The following ENPP3 variants were observed in gnomAD, a reference collection of about 807,000 sequenced individuals.
ENPP3 encodes ectonucleotide pyrophosphatase/phosphodiesterase family member 3.
ENPP3 carries 104 observed loss-of-function variants against 117.8 expected under a neutral mutation model. The observed-to-expected ratio is 0.88, with a 90% CI of 0.75 to 1.04. The LOEUF is 1.04. Ranked by LOEUF, ENPP3 falls within the 50% of genes least tolerant of loss-of-function variation. The pLI is 0.00. For missense variants in ENPP3, 1,026 were observed against 1,051.9 expected (o/e 0.98, Z 0.34); for synonymous variants, 380 against 349.9 (o/e 1.09, Z -0.96).
intron 14 of ENPP3, among the ~76,000 whole-genome samples, chr6:131,693,169 T>C (rs1358518853): frequency 6.7e-6 from 1 of 149,742 alleles, no homozygotes; most frequent in East Asian, 1.9e-4. Flanking sequence ...CATTAACTCA[T>C]AATTTAAATC....
In ENPP3 at chr6:131,747,023, T is replaced by C. The variant is rs1780651949; in HGVS notation, c.*67T>C. 1 of 800,890 alleles carries C rather than the reference T, an allele frequency of 1.2e-6. No homozygotes were observed. Among genetic ancestry groups the C allele is most frequent in the Non-Finnish European group, 1.8e-6 (1 of 549,640 alleles). 49.6% of individuals were successfully genotyped at this position (800,890 alleles called of 1,614,324 possible). A position where few individuals can be genotyped will look rare whatever the true frequency, so the allele number is the denominator to read the frequency against. On this transcript the variant is annotated 3_prime_UTR_variant, in exon 25 of 25. Coordinates refer to ENST00000357639, the MANE Select transcript of ENPP3 (RefSeq NM_005021.5). ...AATTTTGGCAAAATATAAGTGATTT[T>C]TTTCTGGAGAATTGTAAAATAAAGT...
intron 6 of ENPP3, among the ~76,000 whole-genome samples, chr6:131,661,427 G>A (rs551167953): frequency 2.4e-4 from 36 of 151,472 alleles, no homozygotes; most frequent in African/African-American, 8.0e-4. Flanking sequence ...CAGATGTGAC[G>A]TGCTATCTCA....
Position 131,675,139 on chromosome 6 carries a change from A to G in ENPP3, c.822A>G (p.Ser274=). The part of the protein sequence containing the change: ...LKAATYFWPG[S]EVAINGSFPS... ...CCGCTACCTACTTTTGGCCCGGATC[A>G]GAAGTGGCTATAAATGGCTCCTTTC... Residue 274 remains serine (S), a synonymous_variant, in exon 9 of 25, where the codon TCA becomes TCG. Transcript: ENST00000357639. 2 of 1,613,838 alleles carry G rather than the reference A, an allele frequency of 1.2e-6. No individual in the cohort carries two copies. The highest frequency in any genetic ancestry group is 2.2e-5 in the East Asian group (1 of 44,864).
At chr6:131,685,793 C>A (rs1451489547) in intron 13 of ENPP3, 83 bp from the exon 14 acceptor site, 6 of 685,548 alleles carry the variant, frequency 8.8e-6, no homozygotes, top group Admixed American at 2.3e-5. Flanking sequence ...GTGAATGTAT[C>A]AAATTCACCT....
intron 24 of ENPP3, 28 bp from the exon 25 acceptor site, chr6:131,746,758 A>C: frequency 6.3e-7 from 1 of 1,580,670 alleles, no homozygotes. Flanking sequence ...CCTTGTGAAA[A>C]AAAAAGTGTT....
In ENPP3 at chr6:131,703,924, T is replaced by C. The variant is rs868596408; in HGVS notation, c.1412+10300T>C. Among the ~76,000 whole-genome samples, 34 of 152,106 alleles carry C rather than the reference T, an allele frequency of 2.2e-4. No individual in the cohort carries two copies. In the Middle Eastern group the frequency reaches 0.017, roughly 76 times the overall value. ...AGAGACATGAAGAACCCAACCACTG[T>C]TATTCTTCTAGGGGCAGAGAACTGA... On this transcript the variant is annotated intron_variant, in intron 15 of 24. Coordinates refer to ENST00000357639, the MANE Select transcript of ENPP3 (RefSeq NM_005021.5).
intron 1 of ENPP3, among the ~76,000 whole-genome samples, chr6:131,639,366 A>C (rs1282152179): frequency 6.7e-6 from 1 of 149,086 alleles, no homozygotes; most frequent in South Asian, 2.1e-4. Context: ...GCAGCAACTC[A>C]GGCTCCAACT....
At chr6:131,697,334 A>T (rs1779429324) in intron 15 of ENPP3, among the ~76,000 whole-genome samples, 1 of 146,852 alleles carries the variant, frequency 6.8e-6, no homozygotes, top group Non-Finnish European at 1.5e-5. Flanking sequence ...AGGTCCTTCA[A>T]GATGCTACAT....
At chr6:131,730,553 T>G (rs140454277) in intron 20 of ENPP3, among the ~76,000 whole-genome samples, 3,645 of 152,326 alleles carry the variant, frequency 0.024, 74 homozygotes, top group South Asian at 0.041. Context: ...CAACATGTTT[T>G]TACTCTGCCT....
chr6:131,676,701 C>G (rs1778875330), intron 9 of ENPP3, 35 bp from the exon 10 acceptor site: 3 of 1,340,300 alleles, frequency 2.2e-6, no homozygotes, highest in Non-Finnish European at 3.2e-6. Flanking sequence ...TGATTTGATT[C>G]ATTTTAAAGA....
At chr6:131,680,379 G>A (rs1397419282) in intron 11 of ENPP3, among the ~76,000 whole-genome samples, 1 of 152,140 alleles carries the variant, frequency 6.6e-6, no homozygotes, top group African/African-American at 2.4e-5. Context: ...GGTAAGTTTG[G>A]GGAGATGCTT....
intron 11 of ENPP3, among the ~76,000 whole-genome samples, chr6:131,679,090 C>CTTTCTT (rs1778965400): frequency 4.0e-5 from 2 of 50,458 alleles, no homozygotes; most frequent in African/African-American, 1.3e-4. Context: ...TCTTTCTTTT[C>CTTTCTT]TTCTTTCTTT....
intron 2 of ENPP3, among the ~76,000 whole-genome samples, chr6:131,643,194 G>A (rs1562423617): frequency 6.6e-6 from 1 of 152,182 alleles, no homozygotes; most frequent in Non-Finnish European, 1.5e-5. Context: ...TGGCTGTTGT[G>A]TTTCTGGGCC....
At chr6:131,654,819 T>C (rs1306016394) in intron 5 of ENPP3, among the ~76,000 whole-genome samples, 1 of 152,224 alleles carries the variant, frequency 6.6e-6, no homozygotes, top group Non-Finnish European at 1.5e-5. Context: ...TTTCCCATGC[T>C]GCTTTGGTTT....
At chr6:131,641,352 G>C in intron 1 of ENPP3, 103 bp from the exon 2 acceptor site, 1 of 651,136 alleles carries the variant, frequency 1.5e-6, no homozygotes. Context: ...GGCATAACTA[G>C]TACGCTGCAG....
intron 12 of ENPP3, among the ~76,000 whole-genome samples, chr6:131,683,482 C>T (rs1325236768): frequency 6.6e-6 from 1 of 151,996 alleles, no homozygotes. Flanking sequence ...AGCCATGATT[C>T]GTTTATGTAG....
At chr6:131,681,444 T>G (rs554258338) in intron 11 of ENPP3, among the ~76,000 whole-genome samples, 7 of 152,174 alleles carry the variant, frequency 4.6e-5, no homozygotes, top group African/African-American at 1.7e-4. Flanking sequence ...ATTGTTATAA[T>G]AGTACTCTGA....
intron 15 of ENPP3, among the ~76,000 whole-genome samples, chr6:131,713,802 T>A (rs1239808597): frequency 6.6e-6 from 1 of 152,138 alleles, no homozygotes; most frequent in Admixed American, 6.5e-5. Context: ...ACTGTTGTCC[T>A]GTTGCCCAGG....
At chr6:131,687,728 G>A (rs1779184895) in intron 14 of ENPP3, among the ~76,000 whole-genome samples, 1 of 152,118 alleles carries the variant, frequency 6.6e-6, no homozygotes, top group South Asian at 2.1e-4. Context: ...CATACAAGTA[G>A]CCAGCAAACA....
Sources: gnomAD v4.1 joint callset for allele counts (sites outside exome capture counted in the v4.1 genomes callset) on GRCh38, gnomAD v4.1.1 for gene constraint, MANE v1.5 for transcripts, NCBI Gene and HGNC (gene_info 2026-07-23, HGNC 2026-07-21) for gene names.